The following PHYHD1 variants were observed in gnomAD, a reference collection of about 807,000 sequenced individuals.
The protein encoded by PHYHD1 is phytanoyl-CoA dioxygenase domain-containing protein 1.
PHYHD1 carries 42 observed loss-of-function variants against 43.6 expected under a neutral mutation model. The ratio of observed to expected loss-of-function variants is 0.96; its 90% CI spans 0.75 to 1.25. The LOEUF (loss-of-function observed/expected upper bound fraction) is 1.25, where lower values mean the gene tolerates loss of function less well. PHYHD1 is among the 50% of genes most tolerant of loss of function. PHYHD1 has a pLI of 0.00. For synonymous variants in PHYHD1, 139 were observed against 143.6 expected, an observed-to-expected ratio of 0.97 and a Z score of 0.23; for missense variants, 342 against 370.8, an observed-to-expected ratio of 0.92 and a Z score of 0.64.
chr9:128,939,533 C>T lies in PHYHD1; in HGVS notation c.458-836C>T, dbSNP rs1003002992. Among the ~76,000 whole-genome samples the T allele has an allele frequency of 8.7e-5, 10 of 115,558 alleles. 1 individual carries two copies. The highest frequency in any genetic ancestry group is 2.3e-4 in the East Asian group (1 of 4,352). The allele number at this position is 115,558 out of a possible 152,430, so 75.8% of individuals were successfully genotyped here. ...GGCGGAGGTTGCAGTGAGCCAAGAT[C>T]GTGCCACTGCACTCCAGCCTGGGCG... is the stretch of plus-strand genomic sequence containing the variant. On this transcript the variant is annotated intron_variant, in intron 9 of 12. Coordinates refer to ENST00000372592, the MANE Select transcript of PHYHD1 (RefSeq NM_001100876.2).
chr9:128,927,376 T>C (rs1841163765), intron 4 of PHYHD1, among the ~76,000 whole-genome samples, 180 bp downstream of exon 4: 2 of 151,926 alleles, frequency 1.3e-5, no homozygotes. Context: ...TGTCCTTTTT[T>C]TTTTTCTTTT....
At chr9:128,923,187 G>T (rs1443301883) in intron 3 of PHYHD1, among the ~76,000 whole-genome samples, 1 of 152,098 alleles carries the variant, frequency 6.6e-6, no homozygotes. Context: ...CAAGTGATCC[G>T]CCTGCCTTGG....
Position 128,937,760 on chromosome 9 carries a change from C to A in PHYHD1, c.439C>A (p.Pro147Thr), listed in dbSNP as rs865957776. The change falls in exon 9 of 13, where the codon CCT becomes ACT. Residue 147 changes from proline (P) to threonine (T), a missense_variant. Transcript: ENST00000372592. ...AGGCTTTTCCTCTCTCTTGCAGCAA[C>A]CTCACTTTGGCGGTGAAGGTGAGCT... The part of the protein sequence containing the change: ...VVQSMYIFKQ[P>T]HFGGEVSPHQ... 6.2e-7 allele frequency: 1 copy of A among 1,613,918 alleles called. No homozygotes were observed. Among genetic ancestry groups the A allele is most frequent in the Admixed American group, 1.7e-5 (1 of 59,982 alleles).
rs1391924821 is a variant in PHYHD1 at position 128,939,319 on chromosome 9, CTT to C, written c.458-1049_458-1048del. On this transcript the variant is annotated intron_variant, in intron 9 of 12. Transcript: ENST00000372592. ...TGCTGGCCAGGAGTGGTGGCTCACG[CTT>C]GTAATCCCAGCACTTTGGGAGGCCG... Among the ~76,000 whole-genome samples, 3 of 128,584 alleles carry C rather than the reference CTT, an allele frequency of 2.3e-5. 1 individual carries two copies. Among genetic ancestry groups the C allele is most frequent in the Non-Finnish European group, 5.4e-5 (3 of 55,492 alleles). The allele number at this position is 128,584 out of a possible 152,430, so 84.4% of individuals were successfully genotyped here. A position where few individuals can be genotyped will look rare whatever the true frequency, so the allele number is the denominator to read the frequency against.
chr9:128,923,093 C>T (rs1016579852), intron 3 of PHYHD1, among the ~76,000 whole-genome samples: 2 of 152,072 alleles, frequency 1.3e-5, no homozygotes, highest in African/African-American at 4.8e-5. Context: ...TACAGGCATG[C>T]GCCACCACAC....
intron 3 of PHYHD1, among the ~76,000 whole-genome samples, chr9:128,924,916 C>G (rs546931140): frequency 6.6e-6 from 1 of 152,080 alleles, no homozygotes; most frequent in East Asian, 1.9e-4. Flanking sequence ...GCCTGGGCAA[C>G]AAGAGTGAGA....
intron 3 of PHYHD1, among the ~76,000 whole-genome samples, chr9:128,926,539 T>C (rs904969180): frequency 4.7e-5 from 7 of 149,798 alleles, no homozygotes; most frequent in African/African-American, 1.7e-4. Flanking sequence ...TGTGCCCAGC[T>C]TCCTTTTTCT....
intron 4 of PHYHD1, among the ~76,000 whole-genome samples, chr9:128,932,081 C>A (rs562493813): frequency 6.6e-6 from 1 of 151,586 alleles, no homozygotes; most frequent in Non-Finnish European, 1.5e-5. Flanking sequence ...GTGATCTGCC[C>A]ACCTCAGCCT....
intron 6 of PHYHD1, among the ~76,000 whole-genome samples, chr9:128,936,012 T>C (rs1251598406): frequency 6.6e-6 from 1 of 152,178 alleles, no homozygotes; most frequent in East Asian, 1.9e-4. Flanking sequence ...CCCTGGGCTG[T>C]CCCTGCACAT....
chr9:128,940,715 G>A lies in PHYHD1; in HGVS notation c.703G>A (p.Gly235Arg), dbSNP rs774819404. ...CTTTGTGCCCACCCCAGTGCAGAGA[G>A]GTAGGCAGATGCAGAGGGCAGAGAG... ...SLFVPTPVQRGALVLIHGEVV... is the reference protein window; with the variant it reads ...SLFVPTPVQRRALVLIHGEVV... The change falls in exon 11 of 13, where the codon GGG becomes AGG. Residue 235 changes from glycine (G) to arginine (R), a missense_variant and splice_region_variant. By Grantham distance (125) the Gly-to-Arg change is moderately radical. Coordinates refer to ENST00000372592, the MANE Select transcript of PHYHD1 (RefSeq NM_001100876.2). 1.1e-5 allele frequency: 17 copies of A among 1,612,976 alleles called. No individual in the cohort carries two copies. The Admixed American group carries it at 1.2e-4, about 11-fold the overall frequency.
chr9:128,941,829 C>T lies in PHYHD1; in HGVS notation c.*116C>T. The stretch of plus-strand genomic sequence containing the variant: ...GGGAGGTCTTGTCTCCCCTCCTGGG[C>T]TTTCCTCCTGCCCTGTGGGCAGCAG... On this transcript the variant is annotated 3_prime_UTR_variant, in exon 13 of 13. Coordinates refer to ENST00000372592, the MANE Select transcript of PHYHD1 (RefSeq NM_001100876.2). 1.4e-6 allele frequency: 2 copies of T among 1,430,052 alleles called. No individual in the cohort carries two copies. Among genetic ancestry groups the T allele is most frequent in the African/African-American group, 2.8e-5 (2 of 71,058 alleles). 88.6% of individuals were successfully genotyped at this position (1,430,052 alleles called of 1,614,324 possible). A position where few individuals can be genotyped will look rare whatever the true frequency, so the allele number is the denominator to read the frequency against.
intron 4 of PHYHD1, among the ~76,000 whole-genome samples, chr9:128,931,331 G>A (rs528921767): frequency 6.6e-6 from 1 of 151,976 alleles, no homozygotes; most frequent in Non-Finnish European, 1.5e-5. Context: ...AGGCTGTCTC[G>A]AACTCCTGAC....
intron 8 of PHYHD1, among the ~76,000 whole-genome samples, chr9:128,937,260 A>AT (rs1841446900): frequency 1.1e-4 from 16 of 150,808 alleles, no homozygotes; most frequent in Non-Finnish European, 1.8e-4. Context: ...ACAAAAAGGA[A>AT]GAAAAAAAAA....
rs143309472 is a variant in PHYHD1 at position 128,934,953 on chromosome 9, C to G, written c.316+895C>G. ...TAACAGGTGGGCATGTGCAGGCTCT[C>G]TACTGCCTGGCCTGGGGGAGCTCCT... On this transcript the variant is annotated intron_variant, in intron 6 of 12. Coordinates refer to ENST00000372592, the MANE Select transcript of PHYHD1 (RefSeq NM_001100876.2). 3.5e-3 allele frequency among the ~76,000 whole-genome samples: 539 copies of G among 152,210 alleles called. 11 individuals are homozygous for G. The highest frequency in any genetic ancestry group is 0.012 in the African/African-American group (500 of 41,532).
intron 9 of PHYHD1, among the ~76,000 whole-genome samples, chr9:128,939,578 C>CAAA (rs1288295049): frequency 1.1e-5 from 1 of 91,468 alleles, no homozygotes; most frequent in African/African-American, 3.4e-5. Flanking sequence ...GACTCCGTCT[C>CAAA]AAAAAAAAAA....
chr9:128,927,064 G>A lies in PHYHD1; in HGVS notation c.60G>A (p.Leu20=), dbSNP rs1398147130. The change falls in exon 4 of 13, where the codon CTG becomes CTA. Residue 20 remains leucine, a synonymous_variant. Coordinates refer to ENST00000372592, the MANE Select transcript of PHYHD1 (RefSeq NM_001100876.2). ...QKFQQDGFLV[L]EGFLSAEECV... is the part of the protein sequence containing the mutation. ...TCCAACAGGATGGATTCCTGGTGCT[G>A]GAAGGATTCTTGTCTGCGGAAGAGT... 1 of 1,614,180 alleles carries A rather than the reference G, an allele frequency of 6.2e-7. No homozygotes were observed. Among genetic ancestry groups the A allele is most frequent in the Non-Finnish European group, 8.5e-7 (1 of 1,180,028 alleles).
At chr9:128,940,206 C>G (rs1046323869) in intron 9 of PHYHD1, among the ~76,000 whole-genome samples, 163 bp from the exon 10 acceptor site, 1 of 152,170 alleles carries the variant, frequency 6.6e-6, no homozygotes, top group Admixed American at 6.5e-5. Flanking sequence ...GAGGTGAAAT[C>G]GCTTGCCTTA....
chr9:128,922,926 A>G (rs1448941064), intron 3 of PHYHD1, among the ~76,000 whole-genome samples: 1 of 144,842 alleles, frequency 6.9e-6, no homozygotes, highest in Non-Finnish European at 1.5e-5. Context: ...ACACGCCCCC[A>G]TGCCCAGCTC....
In PHYHD1 at chr9:128,922,348, C is replaced by T; in HGVS notation, c.25C>T (p.Leu9Phe). The change falls in exon 3 of 13, where the codon CTC (leucine) becomes TTC (phenylalanine). Residue 9 changes from leucine (L) to phenylalanine (F), a missense_variant. By Grantham distance (22) the Leu-to-Phe change is conservative (BLOSUM62 0). Transcript: ENST00000372592. ...CATGGCCTGCCTGAGCCCCTCGCAG[C>T]TCCAGAAGGTAGGAGCCTGCAAGTC... MACLSPSQLQKFQQDGFLV... is the reference protein window; with the variant it reads MACLSPSQFQKFQQDGFLV... 1 of 1,550,014 alleles carries T rather than the reference C, an allele frequency of 6.5e-7. No homozygotes were observed. Among genetic ancestry groups the T allele is most frequent in the African/African-American group, 1.4e-5 (1 of 73,130 alleles).
Sources: allele counts gnomAD v4.1 joint callset (sites outside exome capture counted in the v4.1 genomes callset), GRCh38; gene constraint gnomAD v4.1.1; transcripts MANE v1.5; gene names NCBI Gene and HGNC (gene_info 2026-07-23, HGNC 2026-07-21).